The following WDR4 variants were observed in gnomAD, a reference collection of about 807,000 sequenced individuals.
WDR4 encodes the protein WDR4 tRNA N7-guanosine methyltransferase non-catalytic subunit, also known as tRNA (guanine-N(7)-)-methyltransferase non-catalytic subunit WDR4.
Under a neutral mutation model 48.6 loss-of-function variants are expected in WDR4, and 47 were observed. The observed-to-expected ratio is 0.97, with a 90% CI of 0.77 to 1.23. The LOEUF is 1.23. WDR4 is among the 50% of genes most tolerant of loss of function. The pLI is 0.00. For synonymous variants in WDR4, 268 were observed against 230.0 expected (o/e 1.17, Z -1.49); for missense variants, 606 against 551.6 (o/e 1.10, Z -0.99).
At position 42,879,442 on chromosome 21, in the gene WDR4, G is replaced by C; in HGVS notation, c.54C>G (p.Gly18=). ...ALCGQTLVVR[G]GSRFLATSIA... is the part of the protein sequence containing the mutation. ...TGGAGGTGGCCAGGAATCGGCTGCC[G>C]CCCCGCACCACCAACGTCTGCCCGC... Residue 18 remains glycine (G), a synonymous_variant, in exon 1 of 11, where the codon GGC becomes GGG. Transcript: ENST00000398208. 3 of 1,613,646 alleles carry C rather than the reference G, an allele frequency of 1.9e-6. No individual in the cohort carries two copies. Among genetic ancestry groups the C allele is most frequent in the Non-Finnish European group, 1.7e-6 (2 of 1,179,838 alleles).
At chr21:42,885,439 C>T in the WDR4 span, among the ~76,000 whole-genome samples, 5 of 151,958 alleles carry the variant, frequency 3.3e-5, no homozygotes, top group Admixed American at 3.3e-4. Flanking sequence ...GGTGAAACCC[C>T]ATCTCTACTA....
At chr21:42,852,114 C>G in intron 10 of WDR4, 141 bp downstream of exon 10, 1 of 898,066 alleles carries the variant, frequency 1.1e-6, no homozygotes, top group Non-Finnish European at 1.8e-6. Context: ...CCTGCCCCGC[C>G]TTCTGGATGG....
upstream of WDR4, among the ~76,000 whole-genome samples, chr21:42,883,274 CAAA>C (rs56707881): frequency 1.3e-4 from 10 of 77,752 alleles, no homozygotes; most frequent in Non-Finnish European, 1.6e-4. Context: ...GACTCTGTCT[CAAA>C]AAAAAAAAAA....
chr21:42,886,630 C>T, the WDR4 span, among the ~76,000 whole-genome samples: 1 of 152,236 alleles, frequency 6.6e-6, no homozygotes, highest in East Asian at 1.9e-4. Flanking sequence ...ATATTCCCAG[C>T]CTTTTGGGGA....
chr21:42,864,746 T>C (rs1264253529), intron 3 of WDR4, among the ~76,000 whole-genome samples: 1 of 152,194 alleles, frequency 6.6e-6, no homozygotes, highest in African/African-American at 2.4e-5. Context: ...CACTACTTCC[T>C]GGGGCTCTCA....
upstream of WDR4, among the ~76,000 whole-genome samples, chr21:42,880,908 A>G: frequency 6.7e-6 from 1 of 149,416 alleles, no homozygotes; most frequent in Non-Finnish European, 1.5e-5. Flanking sequence ...GGTGCTCTCC[A>G]TGCCCAAGAA....
rs2057775370 is a variant in WDR4, at chr21:42,849,946, C to T, written c.*103G>A. 1.4e-6 allele frequency: 2 copies of T among 1,449,608 alleles called. No individual in the cohort carries two copies. Among genetic ancestry groups the T allele is most frequent in the Admixed American group, 2.0e-5 (1 of 50,396 alleles). The allele number at this position is 1,449,608 out of a possible 1,614,324, so 89.8% of individuals were successfully genotyped here. A position where few individuals can be genotyped will look rare whatever the true frequency, so the allele number is the denominator to read the frequency against. ...GCCCCATCCTCTGAGCTGGTCACAACTGATGTCACCTTTTCCTTCTTGAAG... is the reference window on the plus strand; with the variant it reads ...GCCCCATCCTCTGAGCTGGTCACAATTGATGTCACCTTTTCCTTCTTGAAG... On this transcript the variant is annotated 3_prime_UTR_variant, in exon 11 of 11. Transcript: ENST00000398208.
downstream of WDR4, among the ~76,000 whole-genome samples, chr21:42,847,815 T>C (rs947443328): frequency 1.3e-5 from 2 of 151,424 alleles, no homozygotes. Context: ...ATGCAGCGCA[T>C]GGGCCTGTCT....
At position 42,850,130 on chromosome 21, in the gene WDR4, C is replaced by T; in HGVS notation, c.1158G>A (p.Lys386=). 2 of 1,614,146 alleles carry T rather than the reference C, an allele frequency of 1.2e-6. No individual in the cohort carries two copies. Among genetic ancestry groups the T allele is most frequent in the Non-Finnish European group, 1.7e-6 (2 of 1,179,992 alleles). ...CAGGCGGGGGACTCCGGCGCCGCTG[C>T]TTCTTCTCTAGCTGCTGCTGCAGTC... is the stretch of plus-strand genomic sequence containing the variant. ...EERLQQQLEK[K]QRRRSPPPGP... Residue 386 remains lysine, a synonymous_variant, in exon 11 of 11, where the codon AAG becomes AAA. Transcript: ENST00000398208.
the WDR4 span, among the ~76,000 whole-genome samples, chr21:42,888,699 A>ATT: frequency 8.5e-5 from 12 of 140,448 alleles, no homozygotes; most frequent in Admixed American, 2.2e-4. Context: ...AAGGTTTATA[A>ATT]TTTTTTTTTT....
chr21:42,850,481 C>G lies in WDR4; in HGVS notation c.1046-239G>C, dbSNP rs575234713. 1.1e-4 allele frequency among the ~76,000 whole-genome samples: 17 copies of G among 152,336 alleles called. No individual in the cohort carries two copies. In the East Asian group the frequency reaches 2.3e-3, roughly 21 times the overall value. On this transcript the variant is annotated intron_variant, in intron 10 of 10. Transcript: ENST00000398208. ...AAAGATGAAAGAATGTAATGGAAACCAGGGCACCAAGGCTGGGCCTCCACC... is the reference window on the plus strand; with the variant it reads ...AAAGATGAAAGAATGTAATGGAAACGAGGGCACCAAGGCTGGGCCTCCACC...
At chr21:42,851,888 T>A (rs1490607080) in intron 10 of WDR4, among the ~76,000 whole-genome samples, 5 of 152,200 alleles carry the variant, frequency 3.3e-5, no homozygotes, top group Non-Finnish European at 7.4e-5. Flanking sequence ...CCCACTGCAG[T>A]GGGATCAATT....
At chr21:42,892,154 T>C in the WDR4 span, among the ~76,000 whole-genome samples, 1,543 of 150,380 alleles carry the variant, frequency 0.01, 8 homozygotes, top group Middle Eastern at 0.038. Flanking sequence ...CTCGGGAGGC[T>C]GAGGCAAGAG....
At position 42,879,485 on chromosome 21, in the gene WDR4, GAGCCC is replaced by G. The variant is rs775351356; in HGVS notation, c.6_10del (p.Gly3CysfsTer27). On this transcript the variant is annotated frameshift_variant, in exon 1 of 11. Coordinates refer to ENST00000398208, the MANE Select transcript of WDR4 (RefSeq NM_018669.6). LOFTEE classifies it high-confidence loss of function. Reference sequence around the variant, plus strand: ...CTGCCCGCACAACGCCAGTCCCACAGAGCCCGCCATGTACCCGCCCGCCTCACCGC... The same window carrying G: ...CTGCCCGCACAACGCCAGTCCCACAGGCCATGTACCCGCCCGCCTCACCGC... 9 of 1,613,434 alleles carry G rather than the reference GAGCCC, an allele frequency of 5.6e-6. No individual in the cohort carries two copies.
chr21:42,854,228 G>T (rs2057923373), intron 8 of WDR4, among the ~76,000 whole-genome samples: 1 of 152,234 alleles, frequency 6.6e-6, no homozygotes, highest in Admixed American at 6.5e-5. Context: ...ACCCCAGGGG[G>T]TTCCCATCCG....
Position 42,850,247 on chromosome 21 carries a change from G to A in WDR4, c.1046-5C>T, listed in dbSNP as rs1470016630. The A allele has an allele frequency of 3.8e-6, 6 of 1,586,228 alleles. No individual in the cohort carries two copies. Among genetic ancestry groups the A allele is most frequent in the Non-Finnish European group, 5.1e-6 (6 of 1,165,402 alleles). The stretch of plus-strand genomic sequence containing the variant: ...TGGCGTCTGCGCCGGCAGAGCCTGT[G>A]ATGGGGGAACAAGGACAGGTGCCAG... On this transcript the variant is annotated splice_polypyrimidine_tract_variant and splice_region_variant and intron_variant, in intron 10 of 10. Coordinates refer to ENST00000398208, the MANE Select transcript of WDR4 (RefSeq NM_018669.6).
At chr21:42,855,358 G>C (rs1017079187) in intron 7 of WDR4, among the ~76,000 whole-genome samples, 3 of 152,152 alleles carry the variant, frequency 2.0e-5, no homozygotes, top group Non-Finnish European at 4.4e-5. Context: ...GAGAATGCTG[G>C]AGTGGGCCTG....
At chr21:42,867,479 C>T (rs548042483) in intron 3 of WDR4, among the ~76,000 whole-genome samples, 1 of 151,848 alleles carries the variant, frequency 6.6e-6, no homozygotes, top group Admixed American at 6.6e-5. Context: ...ATGCTGCAGG[C>T]TGCCCATCCC....
chr21:42,850,330 C>T (rs961446669), intron 10 of WDR4, 88 bp from the exon 11 acceptor site: 1 of 1,242,138 alleles, frequency 8.1e-7, no homozygotes, highest in Non-Finnish European at 1.1e-6. Context: ...CAGGGAGTTA[C>T]CTCGTGACTC....
Sources: gnomAD v4.1 joint callset for allele counts (sites outside exome capture counted in the v4.1 genomes callset) on GRCh38, gnomAD v4.1.1 for gene constraint, MANE v1.5 for transcripts, NCBI Gene and HGNC (gene_info 2026-07-23, HGNC 2026-07-21) for gene names.